The following ARHGEF18 variants were observed in gnomAD, a reference collection of about 807,000 sequenced individuals.
The protein encoded by ARHGEF18 is Rho/Rac guanine nucleotide exchange factor 18.
A neutral mutation model predicts 155.7 loss-of-function variants in ARHGEF18; 93 were observed. The observed-to-expected ratio is 0.60, with a 90% CI of 0.50 to 0.71. The LOEUF (loss-of-function observed/expected upper bound fraction) is 0.71, where lower values mean the gene tolerates loss of function less well. Ranked by LOEUF, ARHGEF18 falls within the 30% of genes least tolerant of loss-of-function variation. ARHGEF18 has a pLI of 0.00. For missense variants in ARHGEF18, 1,593 were observed against 1,816.1 expected (o/e 0.88, Z 2.23); for synonymous variants, 742 against 753.1 (o/e 0.99, Z 0.24).
At chr19:7,385,923 T>TCTCTCTCTCTCTCCCCCTCTCC (rs1971032524) in intron 10 of ARHGEF18, among the ~76,000 whole-genome samples, 1 of 71,720 alleles carries the variant, frequency 1.4e-5, no homozygotes, top group Non-Finnish European at 2.5e-5. Flanking sequence ...TCCCTCTCTC[T>TCTCTCTCTCTCTCCCCCTCTCC]CTCTCTCTCT....
chr19:7,395,127 C>G lies in ARHGEF18; in HGVS notation c.967+11924C>G. 2 of 985,554 alleles carry G rather than the reference C, an allele frequency of 2.0e-6. No homozygotes were observed. The highest frequency in any genetic ancestry group is 2.4e-6 in the Non-Finnish European group (2 of 829,998). 61.1% of individuals were successfully genotyped at this position (985,554 alleles called of 1,614,324 possible). A position where few individuals can be genotyped will look rare whatever the true frequency, so the allele number is the denominator to read the frequency against. ...GCGCTGCTCTCCTCGCGCGGCTTCCCGCTTCCGGCTCCCAGCTGCTAGCTA... is the reference window on the plus strand; with the variant it reads ...GCGCTGCTCTCCTCGCGCGGCTTCCGGCTTCCGGCTCCCAGCTGCTAGCTA... On this transcript the variant is annotated intron_variant, in intron 10 of 28. Transcript: ENST00000668164. The surrounding 1 kb of genome is among the most constrained non-coding windows in gnomAD (Gnocchi z 5.0).
At chr19:7,434,077 T>A in intron 10 of ARHGEF18, among the ~76,000 whole-genome samples, 1 of 149,796 alleles carries the variant, frequency 6.7e-6, no homozygotes, top group African/African-American at 2.5e-5. Flanking sequence ...AGTAAAGTAA[T>A]GCAGGTGGGA....
In ARHGEF18 at chr19:7,470,637, T is replaced by C. The variant is rs1251528801; in HGVS notation, c.*339T>C. The C allele has an allele frequency of 5.0e-6, 2 of 397,756 alleles. No homozygotes were observed. Among genetic ancestry groups the C allele is most frequent in the Non-Finnish European group, 4.4e-6 (1 of 225,778 alleles). 24.6% of individuals were successfully genotyped at this position (397,756 alleles called of 1,614,324 possible). A position where few individuals can be genotyped will look rare whatever the true frequency, so the allele number is the denominator to read the frequency against. The stretch of plus-strand genomic sequence containing the variant: ...CGGGGAGATCAACTCCGAGCTGTTT[T>C]TCCGAGGCAGTGAGGAACGGTGCCG... On this transcript the variant is annotated 3_prime_UTR_variant, in exon 29 of 29. Coordinates refer to ENST00000668164, the MANE Select transcript of ARHGEF18 (RefSeq NM_001367823.1). The surrounding 1 kb of genome is among the most constrained non-coding windows in gnomAD (Gnocchi z 5.9).
chr19:7,385,907 CCTCTCTCCCTCTCTCT>C (rs1568285956), intron 10 of ARHGEF18, among the ~76,000 whole-genome samples: 443 of 33,648 alleles, frequency 0.013, 16 homozygotes, highest in South Asian at 0.03. Context: ...TCTCTCTCTC[CCTCTCTCCCTCTCTCT>C]CTCTCTCTCT....
intron 10 of ARHGEF18, among the ~76,000 whole-genome samples, chr19:7,385,951 T>C (rs1183654289): frequency 9.9e-6 from 1 of 101,434 alleles, no homozygotes. Context: ...TCTCCCTCTC[T>C]CTCTCTCCCT....
rs1218313331 is a variant in ARHGEF18, at chr19:7,462,906, G to A, written c.2635+572G>A. Reference sequence around the variant, plus strand: ...GGCTGGAGTGCAGTGGCGTGATCTCGGCTCACTGCAACCTCCACCTCCTGG... The same window carrying A: ...GGCTGGAGTGCAGTGGCGTGATCTCAGCTCACTGCAACCTCCACCTCCTGG... On this transcript the variant is annotated intron_variant, in intron 21 of 28. Coordinates refer to ENST00000668164, the MANE Select transcript of ARHGEF18 (RefSeq NM_001367823.1). This position sits in a 1 kb window ranked among gnomAD's most constrained non-coding sequence, Gnocchi z 4.4. 2.7e-5 allele frequency among the ~76,000 whole-genome samples: 4 copies of A among 148,910 alleles called. No homozygotes were observed. The highest frequency in any genetic ancestry group is 5.0e-5 in the African/African-American group (2 of 40,270).
chr19:7,447,244 A>G (rs1975056931), intron 15 of ARHGEF18, 76 bp downstream of exon 15: 7 of 1,406,546 alleles, frequency 5.0e-6, no homozygotes, highest in Non-Finnish European at 6.7e-6. Context: ...TAATCCCAGC[A>G]CTTTGGGAGT....
chr19:7,390,811 G>A (rs1971362131), intron 10 of ARHGEF18: 1 of 152,202 alleles, frequency 6.6e-6, no homozygotes. Context: ...GGAGGCCGAG[G>A]AGGGAAGATC....
At chr19:7,446,149 A>G (rs1406397049) in intron 14 of ARHGEF18, among the ~76,000 whole-genome samples, 2 of 152,066 alleles carry the variant, frequency 1.3e-5, no homozygotes, top group Admixed American at 6.5e-5. Context: ...TGTGACCCCA[A>G]CACTTTGGGA....
chr19:7,403,419 A>G (rs1972121781), intron 10 of ARHGEF18, among the ~76,000 whole-genome samples: 1 of 152,138 alleles, frequency 6.6e-6, no homozygotes, highest in Non-Finnish European at 1.5e-5. Context: ...TGTCTATTCT[A>G]GACTTTTCAT....
At position 7,462,172 on chromosome 19, in the gene ARHGEF18, C is replaced by A; in HGVS notation, c.2473C>A (p.Gln825Lys). 4 of 1,613,956 alleles carry A rather than the reference C, an allele frequency of 2.5e-6. No homozygotes were observed. Among genetic ancestry groups the A allele is most frequent in the Non-Finnish European group, 3.4e-6 (4 of 1,180,026 alleles). ...DFQERLSMKD[Q>K]LIAQSLLEKQ... ...TGCAGAGCGGTTGAGCATGAAAGAC[C>A]AGCTGATCGCACAGAGCCTCCTAGA... The change falls in exon 21 of 29, where the codon CAG (glutamine) becomes AAG (lysine). Residue 825 changes from glutamine to lysine, a missense_variant. By Grantham distance (53) the Gln-to-Lys change is moderately conservative. Coordinates refer to ENST00000668164, the MANE Select transcript of ARHGEF18 (RefSeq NM_001367823.1). The surrounding 1 kb of genome is among the most constrained non-coding windows in gnomAD (Gnocchi z 4.4).
chr19:7,384,428 C>T (rs990697141), intron 10 of ARHGEF18, among the ~76,000 whole-genome samples: 1 of 152,228 alleles, frequency 6.6e-6, no homozygotes, highest in African/African-American at 2.4e-5. Context: ...AACATCTCCA[C>T]CCCCGGGGCA....
intron 3 of ARHGEF18, among the ~76,000 whole-genome samples, chr19:7,373,651 T>G (rs1432557868): frequency 6.6e-6 from 1 of 151,390 alleles, no homozygotes; most frequent in East Asian, 2.0e-4. Context: ...AATGTTTGTA[T>G]TTTTAGTAGA....
Position 7,447,138 on chromosome 19 carries a change from GC to G in ARHGEF18, c.1708del (p.Gln570LysfsTer8). On this transcript the variant is annotated frameshift_variant, in exon 15 of 29. Coordinates refer to ENST00000668164, the MANE Select transcript of ARHGEF18 (RefSeq NM_001367823.1). LOFTEE classifies it high-confidence loss of function. Reference sequence around the variant, plus strand: ...TTAGTCATTACAAGTTGCTGCTTCAGCAAAACAAGAAATTTCAAAACTTGAT... The same window carrying G: ...TTAGTCATTACAAGTTGCTGCTTCAGAAAACAAGAAATTTCAAAACTTGAT... ...AVSHYKLLLQ[Q>X]NKKFQNLIKK... 6.2e-7 allele frequency: 1 copy of G among 1,613,096 alleles called. No homozygotes were observed. Among genetic ancestry groups the G allele is most frequent in the Non-Finnish European group, 8.5e-7 (1 of 1,179,618 alleles).
intron 3 of ARHGEF18, among the ~76,000 whole-genome samples, chr19:7,375,287 AAGAAAAGAAAG>A (rs1970387971): frequency 1.0e-5 from 1 of 99,326 alleles, no homozygotes; most frequent in African/African-American, 3.3e-5. Context: ...AAAAAAAAGA[AAGAAAAGAAAG>A]AAAGAAAAGA....
At chr19:7,437,444 C>T (rs1385281587) in intron 10 of ARHGEF18, among the ~76,000 whole-genome samples, 1 of 151,164 alleles carries the variant, frequency 6.6e-6, no homozygotes, top group African/African-American at 2.4e-5. Context: ...AAAAAAGTTG[C>T]TCAGAGAATG....
At chr19:7,372,372 G>A (rs1384000091) in intron 2 of ARHGEF18, among the ~76,000 whole-genome samples, 1 of 151,838 alleles carries the variant, frequency 6.6e-6, no homozygotes, top group Non-Finnish European at 1.5e-5. Flanking sequence ...TGCCCTGGCT[G>A]GACAGAATGA....
At chr19:7,459,297 T>C (rs1415622285) in intron 19 of ARHGEF18, among the ~76,000 whole-genome samples, 7 of 152,268 alleles carry the variant, frequency 4.6e-5, no homozygotes, top group Non-Finnish European at 7.4e-5. Context: ...TCATAGCTTA[T>C]TGCAACCCAA....
intron 15 of ARHGEF18, among the ~76,000 whole-genome samples, chr19:7,450,703 CGAG>C (rs1975358141): frequency 9.2e-6 from 1 of 109,118 alleles, no homozygotes; most frequent in Non-Finnish European, 2.0e-5. Context: ...TGTCCGTTTC[CGAG>C]ATGTTAATGC....
Sources: gnomAD v4.1 joint callset for allele counts (sites outside exome capture counted in the v4.1 genomes callset) on GRCh38, gnomAD v4.1.1 for gene constraint, Gnocchi (gnomAD v3.1) non-coding constraint, MANE v1.5 for transcripts, NCBI Gene and HGNC (gene_info 2026-07-23, HGNC 2026-07-21) for gene names.